SAMD4A: variants seen among roughly 807,000 people sequenced by gnomAD.
The protein encoded by SAMD4A is protein Smaug homolog 1.
SAMD4A carries 33 observed loss-of-function variants against 81.3 expected under a neutral mutation model. That is an observed-to-expected ratio of 0.41 (90% CI 0.31 to 0.54). The LOEUF (loss-of-function observed/expected upper bound fraction) is 0.54. SAMD4A is among the 20% of genes least tolerant of loss of function. The probability of loss-of-function intolerance (pLI) is 0.37; values close to 1 mark genes in which losing one functional copy is unlikely to be tolerated. For synonymous variants in SAMD4A, 389 were observed against 382.1 expected, an observed-to-expected ratio of 1.02 and a Z score of -0.21; for missense variants, 854 against 951.1, an observed-to-expected ratio of 0.90 and a Z score of 1.34.
chr14:54,585,413 A>G (rs2033587115), intron 2 of SAMD4A, among the ~76,000 whole-genome samples: 1 of 152,126 alleles, frequency 6.6e-6, no homozygotes, highest in Non-Finnish European at 1.5e-5. Flanking sequence ...TAATATGTTA[A>G]CCATGACATC....
chr14:54,771,553 G>C (rs144573694), intron 9 of SAMD4A, among the ~76,000 whole-genome samples: 1 of 152,324 alleles, frequency 6.6e-6, no homozygotes, highest in African/African-American at 2.4e-5. Flanking sequence ...CAACCCTTGT[G>C]GGTTGGACTA....
chr14:54,659,651 C>T (rs1255306454), intron 2 of SAMD4A, among the ~76,000 whole-genome samples: 1 of 152,168 alleles, frequency 6.6e-6, no homozygotes, highest in Non-Finnish European at 1.5e-5. Flanking sequence ...AATATGTCTC[C>T]TCCCCAACCT....
At chr14:54,592,808 T>G (rs1000433668) in intron 2 of SAMD4A, among the ~76,000 whole-genome samples, 12 of 152,224 alleles carry the variant, frequency 7.9e-5, no homozygotes, top group Non-Finnish European at 1.8e-4. Flanking sequence ...AAAATCATCA[T>G]CATTGATCCT....
At chr14:54,684,920 G>A (rs974249534) in intron 2 of SAMD4A, among the ~76,000 whole-genome samples, 77 of 152,306 alleles carry the variant, frequency 5.1e-4, no homozygotes, top group African/African-American at 1.8e-3. Flanking sequence ...ATTCAGTTCT[G>A]GGTACCAGGT....
chr14:54,683,245 C>T (rs556250445), intron 2 of SAMD4A, among the ~76,000 whole-genome samples: 74 of 152,274 alleles, frequency 4.9e-4, no homozygotes, highest in Admixed American at 8.5e-4. Flanking sequence ...AATACAGGTG[C>T]GAGCCTTTGT....
intron 12 of SAMD4A, among the ~76,000 whole-genome samples, chr14:54,786,883 C>T (rs1009818659): frequency 6.6e-6 from 1 of 152,148 alleles, no homozygotes; most frequent in Non-Finnish European, 1.5e-5. Context: ...TGTTAATCTC[C>T]TAAGCTTTTT....
At chr14:54,609,724 C>T (rs1043256505) in intron 2 of SAMD4A, among the ~76,000 whole-genome samples, 2 of 152,238 alleles carry the variant, frequency 1.3e-5, no homozygotes, top group Non-Finnish European at 2.9e-5. Flanking sequence ...CTCTGCCACA[C>T]AATTTCTCTG....
At chr14:54,571,590 CA>C (rs1171862181) in intron 2 of SAMD4A, among the ~76,000 whole-genome samples, 1 of 152,126 alleles carries the variant, frequency 6.6e-6, no homozygotes, top group East Asian at 1.9e-4. Flanking sequence ...ACGTAACCCA[CA>C]AAATATACAC....
chr14:54,760,127 G>A (rs369751653), intron 6 of SAMD4A, 34 bp from the exon 7 acceptor site: 23 of 1,599,824 alleles, frequency 1.4e-5, no homozygotes, highest in Middle Eastern at 1.7e-4. Flanking sequence ...TTATTCCTGA[G>A]CCTAACAGAG....
At chr14:54,705,926 A>G (rs1286856499) in intron 3 of SAMD4A, among the ~76,000 whole-genome samples, 2 of 152,248 alleles carry the variant, frequency 1.3e-5, no homozygotes, top group African/African-American at 4.8e-5. Flanking sequence ...GTTATATAAA[A>G]GTGCAGTAAA....
intron 2 of SAMD4A, among the ~76,000 whole-genome samples, chr14:54,695,647 T>G (rs1315146004): frequency 3.9e-5 from 6 of 152,172 alleles, no homozygotes; most frequent in Non-Finnish European, 5.9e-5. Context: ...CGCAATCACC[T>G]TCCTTGAAAA....
intron 2 of SAMD4A, among the ~76,000 whole-genome samples, chr14:54,691,549 C>CA (rs10610242): frequency 0.033 from 3,283 of 100,954 alleles, 73 homozygotes; most frequent in African/African-American, 0.046. Flanking sequence ...CTTCCCTTCT[C>CA]AAAAAAAAAA....
chr14:54,769,739 G>C (rs1174225703), intron 8 of SAMD4A, among the ~76,000 whole-genome samples: 1 of 152,156 alleles, frequency 6.6e-6, no homozygotes, highest in African/African-American at 2.4e-5. Context: ...AAAATGCAGG[G>C]GGCCTGCAAA....
intron 6 of SAMD4A, among the ~76,000 whole-genome samples, chr14:54,757,429 T>TGTGTG (rs1566622641): frequency 8.6e-6 from 1 of 116,688 alleles, no homozygotes; most frequent in Non-Finnish European, 1.8e-5. Flanking sequence ...GTGTGTGTGT[T>TGTGTG]TTGTTTTGTT....
At chr14:54,566,292 C>G (rs961365771), upstream of SAMD4A, among the ~76,000 whole-genome samples, 3 of 151,572 alleles carry the variant, frequency 2.0e-5, no homozygotes, top group African/African-American at 7.3e-5. Flanking sequence ...CCCGAGCCGC[C>G]GGGATGAGCC....
At chr14:54,654,521 G>A (rs1332882047) in intron 2 of SAMD4A, among the ~76,000 whole-genome samples, 3 of 152,182 alleles carry the variant, frequency 2.0e-5, no homozygotes, top group African/African-American at 7.2e-5. Context: ...TTTAATTGAG[G>A]AGGTTTAACA....
chr14:54,716,420 G>C (rs1166987283), intron 3 of SAMD4A, among the ~76,000 whole-genome samples: 1 of 152,178 alleles, frequency 6.6e-6, no homozygotes, highest in Admixed American at 6.5e-5. Flanking sequence ...TATACTCTCT[G>C]TATCTCTTGT....
At chr14:54,772,058 A>T (rs2038720819) in intron 9 of SAMD4A, among the ~76,000 whole-genome samples, 2 of 152,196 alleles carry the variant, frequency 1.3e-5, no homozygotes, top group African/African-American at 4.8e-5. Flanking sequence ...AAAATGTTTT[A>T]TACTCATAAG....
At chr14:54,674,007 G>C (rs2035939381) in intron 2 of SAMD4A, among the ~76,000 whole-genome samples, 1 of 152,198 alleles carries the variant, frequency 6.6e-6, no homozygotes, top group Admixed American at 6.5e-5. Context: ...AGGGCACATA[G>C]AATTAAGTCG....
Sources: allele counts gnomAD v4.1 joint callset (sites outside exome capture counted in the v4.1 genomes callset), GRCh38; gene constraint gnomAD v4.1.1; transcripts MANE v1.5; gene names NCBI Gene and HGNC (gene_info 2026-07-23, HGNC 2026-07-21).